The following BBS9 variants were observed in gnomAD, a reference collection of about 807,000 sequenced individuals.
BBS9 encodes Bardet-Biedl syndrome 9, also known as protein PTHB1.
In BBS9, 89 loss-of-function variants were observed where a neutral mutation model predicts 117.7. That is an observed-to-expected ratio of 0.76 (90% CI 0.64 to 0.90). The LOEUF is 0.90. Ranked by LOEUF, BBS9 falls within the 40% of genes least tolerant of loss-of-function variation. The pLI is 0.00. For missense variants in BBS9, 982 were observed against 1,042.2 expected (o/e 0.94, Z 0.80); for synonymous variants, 379 against 370.9 (o/e 1.02, Z -0.25).
At chr7:33,334,743 T>G (rs965766776) in intron 9 of BBS9, among the ~76,000 whole-genome samples, 7 of 152,212 alleles carry the variant, frequency 4.6e-5, no homozygotes, top group Non-Finnish European at 8.8e-5. Context: ...TAGTCTTACC[T>G]TCTCATTTTA....
chr7:33,208,800 T>G (rs953220586), intron 5 of BBS9, among the ~76,000 whole-genome samples: 1 of 4,422 alleles, frequency 2.3e-4, no homozygotes, highest in Non-Finnish European at 5.5e-4. Flanking sequence ...GAAAATTCTG[T>G]TTTTTTTTTT....
chr7:33,138,519 A>C (rs1790921079), intron 1 of BBS9, among the ~76,000 whole-genome samples: 1 of 150,734 alleles, frequency 6.6e-6, no homozygotes, highest in Non-Finnish European at 1.5e-5. Context: ...GATGCTGCTG[A>C]TCCAGGGATT....
At chr7:33,453,446 T>C (rs765402079) in intron 19 of BBS9, among the ~76,000 whole-genome samples, 12 of 151,996 alleles carry the variant, frequency 7.9e-5, no homozygotes, top group Non-Finnish European at 1.3e-4. Context: ...CTGCTCAACA[T>C]GAAGACCATG....
chr7:33,555,325 T>C (rs1284976733), intron 21 of BBS9, among the ~76,000 whole-genome samples: 1 of 152,198 alleles, frequency 6.6e-6, no homozygotes, highest in African/African-American at 2.4e-5. Flanking sequence ...TACATTTAGG[T>C]CAATTTCTTT....
At chr7:33,432,366 C>T (rs1834636399) in intron 19 of BBS9, among the ~76,000 whole-genome samples, 1 of 151,966 alleles carries the variant, frequency 6.6e-6, no homozygotes, top group East Asian at 1.9e-4. Context: ...ACCTCGGCCT[C>T]CCAAAGTGCT....
rs1184571640 is a variant in BBS9, at chr7:33,415,584, C to T, written c.2115+27440C>T. 4.6e-5 allele frequency among the ~76,000 whole-genome samples: 7 copies of T among 152,114 alleles called. No individual in the cohort carries two copies. In the East Asian group the frequency reaches 1.4e-3, roughly 29 times the overall value. Reference sequence around the variant, plus strand: ...CTGGCAAATATGTTTTTTAATAATTCCCAGTGTTGACAGAGATATCAAGAA... The same window carrying T: ...CTGGCAAATATGTTTTTTAATAATTTCCAGTGTTGACAGAGATATCAAGAA... On this transcript the variant is annotated intron_variant, in intron 19 of 22. Coordinates refer to ENST00000242067, the MANE Select transcript of BBS9 (RefSeq NM_198428.3).
intron 21 of BBS9, among the ~76,000 whole-genome samples, chr7:33,600,580 T>A (rs1863639525): frequency 6.6e-6 from 1 of 152,182 alleles, no homozygotes; most frequent in Non-Finnish European, 1.5e-5. Context: ...AATTTATATT[T>A]TCTTTAATAG....
chr7:33,600,706 G>A (rs1160092370), intron 21 of BBS9, among the ~76,000 whole-genome samples: 1 of 152,154 alleles, frequency 6.6e-6, no homozygotes, highest in Non-Finnish European at 1.5e-5. Flanking sequence ...GCTACCCACA[G>A]CCTCAATGCC....
intron 21 of BBS9, among the ~76,000 whole-genome samples, chr7:33,598,923 C>A (rs1863362892): frequency 6.6e-6 from 1 of 152,124 alleles, no homozygotes; most frequent in African/African-American, 2.4e-5. Flanking sequence ...CAAACCTGGC[C>A]CAACACCTGT....
chr7:33,474,608 A>T (rs1018816236), intron 19 of BBS9, among the ~76,000 whole-genome samples: 2 of 152,162 alleles, frequency 1.3e-5, no homozygotes, highest in Admixed American at 6.5e-5. Context: ...CAGAGGAAAA[A>T]GGAGTACATC....
intron 6 of BBS9, among the ~76,000 whole-genome samples, chr7:33,259,724 T>C (rs1053530238): frequency 5.9e-5 from 9 of 152,280 alleles, no homozygotes; most frequent in Middle Eastern, 6.8e-3. Context: ...ACCACTGTTC[T>C]CTGGGCCATG....
chr7:33,549,796 C>T (rs1854065055), intron 21 of BBS9, among the ~76,000 whole-genome samples: 1 of 152,140 alleles, frequency 6.6e-6, no homozygotes, highest in Non-Finnish European at 1.5e-5. Context: ...AATCTGAACT[C>T]TGTATAATTT....
At chr7:33,565,158 G>T (rs1281260207) in intron 21 of BBS9, among the ~76,000 whole-genome samples, 3 of 152,098 alleles carry the variant, frequency 2.0e-5, no homozygotes, top group African/African-American at 4.8e-5. Flanking sequence ...CTAGTCTTTG[G>T]TACATAGTCG....
chr7:33,344,291 G>T (rs549916583), intron 11 of BBS9, among the ~76,000 whole-genome samples: 27 of 150,838 alleles, frequency 1.8e-4, no homozygotes, highest in Non-Finnish European at 3.8e-4. Flanking sequence ...CGGTGGTCTC[G>T]ATCTCCTGAC....
intron 19 of BBS9, among the ~76,000 whole-genome samples, chr7:33,395,408 G>C (rs1295250637): frequency 6.6e-6 from 1 of 152,120 alleles, no homozygotes; most frequent in African/African-American, 2.4e-5. Flanking sequence ...AAATTGAAAT[G>C]GAAGAAATTA....
Position 33,264,283 on chromosome 7 carries a change from C to T in BBS9, c.618-7C>T. ...CATTTATAATTTTTTAAATTTCTTT[C>T]ATACAGGTACCAGGTACTTGCTTTT... On this transcript the variant is annotated splice_polypyrimidine_tract_variant and splice_region_variant and intron_variant, in intron 6 of 22. Coordinates refer to ENST00000242067, the MANE Select transcript of BBS9 (RefSeq NM_198428.3). 1.4e-6 allele frequency: 2 copies of T among 1,460,328 alleles called. No individual in the cohort carries two copies. Among genetic ancestry groups the T allele is most frequent in the Non-Finnish European group, 1.8e-6 (2 of 1,094,394 alleles). The allele number at this position is 1,460,328 out of a possible 1,614,324, so 90.5% of individuals were successfully genotyped here.
intron 5 of BBS9, among the ~76,000 whole-genome samples, chr7:33,211,592 T>C (rs1316710845): frequency 6.6e-6 from 1 of 152,226 alleles, no homozygotes; most frequent in Non-Finnish European, 1.5e-5. Context: ...TTTTGATTGG[T>C]TCATCATTTA....
At chr7:33,222,519 AG>A (rs1223988040) in intron 5 of BBS9, among the ~76,000 whole-genome samples, 4 of 152,150 alleles carry the variant, frequency 2.6e-5, no homozygotes, top group Non-Finnish European at 5.9e-5. Context: ...TTACTGAAAG[AG>A]CATTCCTACT....
chr7:33,295,228 A>G (rs1360805830), intron 9 of BBS9, among the ~76,000 whole-genome samples: 2 of 152,148 alleles, frequency 1.3e-5, no homozygotes, highest in African/African-American at 2.4e-5. Context: ...TTCTTAAACC[A>G]TAGTGGATAA....
Sources: gnomAD v4.1 joint callset for allele counts (sites outside exome capture counted in the v4.1 genomes callset) on GRCh38, gnomAD v4.1.1 for gene constraint, MANE v1.5 for transcripts, NCBI Gene and HGNC (gene_info 2026-07-23, HGNC 2026-07-21) for gene names.